SPACA1: variants seen among roughly 807,000 people sequenced by gnomAD.
SPACA1 encodes sperm acrosome associated 1, also known as sperm acrosome membrane-associated protein 1.
Under a neutral mutation model 32.6 loss-of-function variants are expected in SPACA1, and 17 were observed. The observed-to-expected ratio is 0.52, with a 90% CI of 0.36 to 0.78. SPACA1 has a LOEUF of 0.78. Ranked by LOEUF, SPACA1 falls within the 30% of genes least tolerant of loss-of-function variation. The pLI is 0.01. For missense variants in SPACA1, 363 were observed against 373.4 expected (o/e 0.97, Z 0.23); for synonymous variants, 140 against 138.1 (o/e 1.01, Z -0.10).
At chr6:88,049,494 T>C (rs1775696954) in intron 1 of SPACA1, among the ~76,000 whole-genome samples, 1 of 152,178 alleles carries the variant, frequency 6.6e-6, no homozygotes, top group Non-Finnish European at 1.5e-5. Context: ...TCCAAAACTT[T>C]AAACAATCTG....
chr6:88,064,438 A>G (rs1223280186), intron 6 of SPACA1: 1 of 294,400 alleles, frequency 3.4e-6, no homozygotes, highest in East Asian at 5.9e-5. Flanking sequence ...TTCTCCAACT[A>G]TGAGAGAGCT....
chr6:88,066,429 T>A lies in SPACA1; in HGVS notation c.*94T>A. 8.5e-7 allele frequency: 1 copy of A among 1,182,010 alleles called. No homozygotes were observed. The highest frequency in any genetic ancestry group is 1.1e-6 in the Non-Finnish European group (1 of 875,636). The allele number at this position is 1,182,010 out of a possible 1,614,324, so 73.2% of individuals were successfully genotyped here. ...TACACATTGAAATACTTTAATAATG[T>A]TGCGATGGATTGCCACAGTGTGAAG... On this transcript the variant is annotated 3_prime_UTR_variant, in exon 7 of 7. Transcript: ENST00000237201.
intron 5 of SPACA1, among the ~76,000 whole-genome samples, chr6:88,060,808 C>T (rs996558560): frequency 6.6e-6 from 1 of 152,302 alleles, no homozygotes; most frequent in Non-Finnish European, 1.5e-5. Context: ...CCTGTTAGGA[C>T]AATTCAGTGT....
At position 88,048,203 on chromosome 6, in the gene SPACA1, T is replaced by C. The variant is rs1775673890; in HGVS notation, c.208+90T>C. 10 of 1,314,370 alleles carry C rather than the reference T, an allele frequency of 7.6e-6. No individual in the cohort carries two copies. The South Asian group carries it at 1.3e-4, about 17-fold the overall frequency. The allele number at this position is 1,314,370 out of a possible 1,614,324, so 81.4% of individuals were successfully genotyped here. The stretch of plus-strand genomic sequence containing the variant: ...TTTGCCTGAGAACCATAATTATGTG[T>C]GTTAACGTCAGGAGAGCTCTCTCTC... On this transcript the variant is annotated intron_variant, in intron 1 of 6. Transcript: ENST00000237201.
At chr6:88,061,438 A>G (rs984109161) in intron 5 of SPACA1, among the ~76,000 whole-genome samples, 277 of 146,298 alleles carry the variant, frequency 1.9e-3, no homozygotes, top group East Asian at 8.5e-3. Context: ...GTGCGCACAC[A>G]CACACACACA....
Position 88,064,273 on chromosome 6 carries a change from C to T in SPACA1, c.731+54C>T, listed in dbSNP as rs546786271. Reference sequence around the variant, plus strand: ...CCTTGATTGACATCCTCTTCTTCCCCCTCCTCATCCAGTGAATTGCAAAGC... The same window carrying T: ...CCTTGATTGACATCCTCTTCTTCCCTCTCCTCATCCAGTGAATTGCAAAGC... On this transcript the variant is annotated intron_variant, in intron 6 of 6. Transcript: ENST00000237201. 7.1e-6 allele frequency: 11 copies of T among 1,554,030 alleles called. No individual in the cohort carries two copies. The East Asian group carries it at 2.3e-4, about 33-fold the overall frequency.
intron 3 of SPACA1, 33 bp downstream of exon 3, chr6:88,057,746 G>A (rs200011030): frequency 1.3e-6 from 2 of 1,577,168 alleles, no homozygotes; most frequent in African/African-American, 1.3e-5. Context: ...GGGAGACTGT[G>A]GGCAAGAGTT....
chr6:88,064,073 T>C, intron 5 of SPACA1, 26 bp from the exon 6 acceptor site: 1 of 1,604,262 alleles, frequency 6.2e-7, no homozygotes, highest in Admixed American at 1.7e-5. Context: ...GTAGTAATAC[T>C]CCTTAGGTTT....
At chr6:88,058,289 A>C (rs1009857773) in intron 3 of SPACA1, among the ~76,000 whole-genome samples, 1 of 152,072 alleles carries the variant, frequency 6.6e-6, no homozygotes, top group African/African-American at 2.4e-5. Context: ...GTTCCTCTAC[A>C]CTCAAACTCC....
At chr6:88,047,511 A>C (rs1413826347), upstream of SPACA1, among the ~76,000 whole-genome samples, 1 of 152,234 alleles carries the variant, frequency 6.6e-6, no homozygotes, top group African/African-American at 2.4e-5. Context: ...GTCTTAAAAG[A>C]AAGCAGGCAG....
chr6:88,058,968 T>G, intron 4 of SPACA1, 146 bp downstream of exon 4: 1 of 566,454 alleles, frequency 1.8e-6, no homozygotes, highest in South Asian at 2.8e-5. Context: ...ATTTTGGAAT[T>G]TTAAAATTTT....
chr6:88,064,240 A>G (rs1284459607), intron 6 of SPACA1, 21 bp downstream of exon 6: 1 of 1,601,964 alleles, frequency 6.2e-7, no homozygotes, highest in Non-Finnish European at 8.5e-7. Flanking sequence ...AGTGGAATGC[A>G]TCATCACCCT....
chr6:88,050,226 A>G (rs1775708907), intron 1 of SPACA1, among the ~76,000 whole-genome samples: 1 of 152,206 alleles, frequency 6.6e-6, no homozygotes, highest in Non-Finnish European at 1.5e-5. Context: ...GGCACAAGTT[A>G]TTGTCACAGT....
chr6:88,064,268 T>A (rs372567065), intron 6 of SPACA1, 49 bp downstream of exon 6: 3 of 1,566,450 alleles, frequency 1.9e-6, no homozygotes, highest in African/African-American at 2.7e-5. Context: ...CATCCTCTTC[T>A]TCCCCCTCCT....
chr6:88,054,496 G>C (rs779574808), intron 2 of SPACA1, among the ~76,000 whole-genome samples: 7 of 152,120 alleles, frequency 4.6e-5, no homozygotes, highest in African/African-American at 9.7e-5. Flanking sequence ...ATCATTCCAT[G>C]GGTAGAAATT....
chr6:88,048,764 C>G (rs1004175284), intron 1 of SPACA1, among the ~76,000 whole-genome samples: 2 of 114,384 alleles, frequency 1.7e-5, no homozygotes, highest in Non-Finnish European at 1.8e-5. Context: ...ATGAGCCCCC[C>G]GCTTGGTACA....
chr6:88,066,232 A>C lies in SPACA1; in HGVS notation c.782A>C (p.Gln261Pro). ...WGAKASTPEV[Q>P]SEQSSVRYKD... ...GCAAAAGCCTCTACACCTGAGGTAC[A>C]ATCCGAGCAGAGTTCTGTGAGATAC... The change falls in exon 7 of 7, where the codon CAA (glutamine) becomes CCA (proline). Residue 261 changes from glutamine to proline, a missense_variant. By Grantham distance (76) the Gln-to-Pro change is moderately conservative. Transcript: ENST00000237201. 1 of 1,612,042 alleles carries C rather than the reference A, an allele frequency of 6.2e-7. No homozygotes were observed. Among genetic ancestry groups the C allele is most frequent in the Non-Finnish European group, 8.5e-7 (1 of 1,178,684 alleles).
chr6:88,057,712 C>T lies in SPACA1; in HGVS notation c.366C>T (p.Gly122=). The change falls in exon 3 of 7, where the codon GGC becomes GGT. Residue 122 remains glycine, a splice_region_variant and synonymous_variant. Coordinates refer to ENST00000237201, the MANE Select transcript of SPACA1 (RefSeq NM_030960.3). The stretch of plus-strand genomic sequence containing the variant: ...AATGCCGTGGACCAACAGATTGTGG[C>T]TGTGAGTTGAATTATGTATTGGAGG... The part of the protein sequence containing the change: ...VEECRGPTDC[G]WGKPISESLE... 1 of 1,613,068 alleles carries T rather than the reference C, an allele frequency of 6.2e-7. No individual in the cohort carries two copies. The highest frequency in any genetic ancestry group is 8.5e-7 in the Non-Finnish European group (1 of 1,179,128).
chr6:88,064,074 C>T, intron 5 of SPACA1, 25 bp from the exon 6 acceptor site: 1 of 1,609,066 alleles, frequency 6.2e-7, no homozygotes, highest in East Asian at 2.2e-5. Context: ...TAGTAATACT[C>T]CTTAGGTTTG....
Sources: gnomAD v4.1 joint callset for allele counts (sites outside exome capture counted in the v4.1 genomes callset) on GRCh38, gnomAD v4.1.1 for gene constraint, MANE v1.5 for transcripts, NCBI Gene and HGNC (gene_info 2026-07-23, HGNC 2026-07-21) for gene names.